The following PTPN13 variants were observed in gnomAD, a reference collection of about 807,000 sequenced individuals.
The protein encoded by PTPN13 is tyrosine-protein phosphatase non-receptor type 13.
In PTPN13, 191 loss-of-function variants were observed where a neutral mutation model predicts 284.0. The ratio of observed to expected loss-of-function variants is 0.67; its 90% CI spans 0.60 to 0.76. The LOEUF (loss-of-function observed/expected upper bound fraction) is 0.76. Among genes scored for constraint, PTPN13 ranks in the 30% least tolerant of loss-of-function variants. The pLI, the probability that PTPN13 is intolerant of heterozygous loss-of-function variation, is 0.00. For synonymous variants in PTPN13, 986 were observed against 1,022.3 expected (o/e 0.96, Z 0.68); for missense variants, 2,797 against 2,939.9 (o/e 0.95, Z 1.12).
At chr4:86,689,330 T>C in intron 5 of PTPN13, 140 bp downstream of exon 5, 1 of 688,798 alleles carries the variant, frequency 1.5e-6, no homozygotes, top group Non-Finnish European at 2.4e-6. Flanking sequence ...TCTTCTAATA[T>C]AAATTGTTTA....
chr4:86,716,802 C>A (rs1283091529), intron 8 of PTPN13, among the ~76,000 whole-genome samples, 177 bp downstream of exon 8: 1 of 152,140 alleles, frequency 6.6e-6, no homozygotes, highest in East Asian at 1.9e-4. Flanking sequence ...ATAGCAGTTT[C>A]TTCAAATAAC....
Position 86,771,323 on chromosome 4 carries a change from C to T in PTPN13, c.4956C>T (p.Tyr1652=). ...QCKSPSRRDS[Y]SDSSGSGEDD... ...AGTCCCCATCCAGAAGAGACAGTTA[C>T]AGTGACAGCAGTGGGAGTGGAGAAG... Residue 1652 remains tyrosine (Y), a synonymous_variant, in exon 31 of 48, where the codon TAC becomes TAT. Coordinates refer to ENST00000411767, the MANE Select transcript of PTPN13 (RefSeq NM_080683.3). 1 of 1,597,776 alleles carries T rather than the reference C, an allele frequency of 6.3e-7. No individual in the cohort carries two copies. The highest frequency in any genetic ancestry group is 8.5e-7 in the Non-Finnish European group (1 of 1,171,984).
At chr4:86,642,449 C>CTTT (rs1241682151) in intron 2 of PTPN13, among the ~76,000 whole-genome samples, 65 of 27,462 alleles carry the variant, frequency 2.4e-3, no homozygotes, top group African/African-American at 7.8e-3. Flanking sequence ...TCTTCTTCTT[C>CTTT]TTTTTTTTTT....
At chr4:86,636,185 A>T (rs1485206380) in intron 2 of PTPN13, among the ~76,000 whole-genome samples, 1 of 152,138 alleles carries the variant, frequency 6.6e-6, no homozygotes. Flanking sequence ...GAGGGGAAAA[A>T]AATCTGGTAG....
chr4:86,603,595 G>A (rs1301769988), intron 1 of PTPN13, among the ~76,000 whole-genome samples: 1 of 152,092 alleles, frequency 6.6e-6, no homozygotes, highest in Non-Finnish European at 1.5e-5. Flanking sequence ...GATATGGTAT[G>A]TATAATTTTT....
rs1169759966 is a variant in PTPN13, at chr4:86,753,066, G to A, written c.3223+1G>A. On this transcript the variant is annotated splice_donor_variant, in intron 20 of 47. Transcript: ENST00000411767. LOFTEE classifies it high-confidence loss of function. ...TCCCAAGTACCCTTAAAAGAAAATG[G>A]TAGGTTTACAAAATGTTTTTCCCCT... 1 of 1,602,020 alleles carries A rather than the reference G, an allele frequency of 6.2e-7. No individual in the cohort carries two copies. The highest frequency in any genetic ancestry group is 1.3e-5 in the African/African-American group (1 of 74,596).
At chr4:86,799,603 T>C (rs1254420985) in intron 42 of PTPN13, among the ~76,000 whole-genome samples, 1 of 152,058 alleles carries the variant, frequency 6.6e-6, no homozygotes, top group Non-Finnish European at 1.5e-5. Flanking sequence ...GTGCTGGGAT[T>C]ACAGGCATGA....
chr4:86,788,240 C>G (rs996067841), intron 40 of PTPN13, among the ~76,000 whole-genome samples: 4 of 152,166 alleles, frequency 2.6e-5, no homozygotes, highest in Non-Finnish European at 5.9e-5. Flanking sequence ...CTAATCTCCC[C>G]TAGCTGAAAA....
intron 3 of PTPN13, 35 bp downstream of exon 3, chr4:86,672,578 T>C (rs1403812982): frequency 6.6e-7 from 1 of 1,516,030 alleles, no homozygotes; most frequent in Non-Finnish European, 9.0e-7. Flanking sequence ...TTTTTTTATT[T>C]GGGTGGGGAT....
intron 17 of PTPN13, among the ~76,000 whole-genome samples, chr4:86,746,899 A>G (rs913124301): frequency 6.6e-6 from 1 of 152,096 alleles, no homozygotes; most frequent in Non-Finnish European, 1.5e-5. Context: ...CAACTCAGTA[A>G]TGATTTTTAC....
At chr4:86,617,535 A>G (rs1327124924) in intron 1 of PTPN13, among the ~76,000 whole-genome samples, 7 of 152,292 alleles carry the variant, frequency 4.6e-5, no homozygotes, top group Middle Eastern at 3.4e-3. Context: ...TTAACTCATC[A>G]TTTAGCATTA....
intron 45 of PTPN13, 42 bp downstream of exon 45, chr4:86,807,939 T>A (rs1206427155): frequency 6.6e-7 from 1 of 1,522,798 alleles, no homozygotes; most frequent in Non-Finnish European, 8.9e-7. Context: ...GTGTATCTCC[T>A]AGTTGTAATC....
chr4:86,737,653 T>G (rs534487175), intron 15 of PTPN13, among the ~76,000 whole-genome samples: 9 of 123,252 alleles, frequency 7.3e-5, no homozygotes, highest in South Asian at 7.1e-4. Flanking sequence ...TACCATAGTG[T>G]TTTTTTTTTT....
intron 38 of PTPN13, among the ~76,000 whole-genome samples, 160 bp downstream of exon 38, chr4:86,784,718 C>T (rs1018038903): frequency 1.3e-5 from 2 of 151,978 alleles, no homozygotes; most frequent in African/African-American, 2.4e-5. Context: ...ATAAATGTCC[C>T]AGTATTCATT....
At chr4:86,711,792 G>T (rs563625048) in intron 7 of PTPN13, among the ~76,000 whole-genome samples, 2 of 152,142 alleles carry the variant, frequency 1.3e-5, no homozygotes, top group African/African-American at 4.8e-5. Flanking sequence ...AATAAATTCA[G>T]TCTGACACCT....
At chr4:86,695,268 A>G (rs960917049) in intron 6 of PTPN13, among the ~76,000 whole-genome samples, 1 of 152,068 alleles carries the variant, frequency 6.6e-6, no homozygotes, top group Non-Finnish European at 1.5e-5. Flanking sequence ...ATATGGGCCA[A>G]AAAAATAACA....
In PTPN13 at chr4:86,734,412, G is replaced by A; in HGVS notation, c.1968G>A (p.Leu656=). 1 of 1,559,022 alleles carries A rather than the reference G, an allele frequency of 6.4e-7. No individual in the cohort carries two copies. The highest frequency in any genetic ancestry group is 8.7e-7 in the Non-Finnish European group (1 of 1,149,642). The change falls in exon 13 of 48, where the codon TTG becomes TTA. Residue 656 remains leucine, a synonymous_variant. Transcript: ENST00000411767. ...CCAAAGCCACTGTTAATTTTACTTT[G>A]TTTTTCAGAATTAAATTTTTTATGG... The part of the protein sequence containing the change: ...KKTKATVNFT[L]FFRIKFFMDD...
At chr4:86,803,064 C>CTGTGTGTGTGTGTGTGTGTG (rs143647187) in intron 42 of PTPN13, among the ~76,000 whole-genome samples, 3 of 136,088 alleles carry the variant, frequency 2.2e-5, no homozygotes, top group African/African-American at 8.4e-5. Context: ...CAGAATAAGA[C>CTGTGTGTGTGTGTGTGTGTG]TGTGTGTGTG....
chr4:86,695,689 C>T (rs190256470), intron 6 of PTPN13, among the ~76,000 whole-genome samples: 1 of 151,886 alleles, frequency 6.6e-6, no homozygotes, highest in Admixed American at 6.6e-5. Context: ...CCTTTCCTCT[C>T]TCCCTCCCTC....
Sources: allele counts gnomAD v4.1 joint callset (sites outside exome capture counted in the v4.1 genomes callset), GRCh38; gene constraint gnomAD v4.1.1; transcripts MANE v1.5; gene names NCBI Gene and HGNC (gene_info 2026-07-23, HGNC 2026-07-21).